NRXN3: variants seen among roughly 807,000 people sequenced by gnomAD.
The protein encoded by NRXN3 is neurexin III.
Under a neutral mutation model 137.6 loss-of-function variants are expected in NRXN3, and 32 were observed. The observed-to-expected ratio is 0.23, with a 90% confidence interval of 0.18 to 0.31. The LOEUF is 0.31. Among genes scored for constraint, NRXN3 ranks in the 10% least tolerant of loss-of-function variants. The pLI is 1.00. For missense variants in NRXN3, 1,574 were observed against 2,062.5 expected (o/e 0.76, Z 4.59); for synonymous variants, 798 against 784.5 (o/e 1.02, Z -0.29).
intron 8 of NRXN3, among the ~76,000 whole-genome samples, chr14:78,796,099 G>T (rs796587777): frequency 2.4e-4 from 36 of 152,296 alleles, no homozygotes; most frequent in African/African-American, 8.2e-4. Context: ...TTATGGGTAG[G>T]CATAGCCAAG....
chr14:79,651,424 G>A (rs1469707339), intron 16 of NRXN3, among the ~76,000 whole-genome samples: 3 of 152,158 alleles, frequency 2.0e-5, no homozygotes, highest in Non-Finnish European at 4.4e-5. Flanking sequence ...ATGCAAAGGT[G>A]CTTTCACCAT....
intron 4 of NRXN3, among the ~76,000 whole-genome samples, chr14:78,599,122 T>C (rs1414392989): frequency 6.6e-6 from 1 of 152,226 alleles, no homozygotes; most frequent in Admixed American, 6.5e-5. Context: ...CTCAGTTTAC[T>C]ATATCAGCTT....
intron 15 of NRXN3, among the ~76,000 whole-genome samples, chr14:79,181,596 G>A (rs983211089): frequency 2.7e-5 from 4 of 149,062 alleles, no homozygotes; most frequent in African/African-American, 7.5e-5. Flanking sequence ...CACGAGAATC[G>A]CTTGAACCCA....
intron 3 of NRXN3, among the ~76,000 whole-genome samples, chr14:78,291,858 G>A (rs1223027901): frequency 1.3e-5 from 2 of 152,194 alleles, no homozygotes. Flanking sequence ...CTCTGAAAGC[G>A]AGTGAAATAA....
At chr14:79,456,024 G>T (rs2096252743) in intron 15 of NRXN3, among the ~76,000 whole-genome samples, 1 of 151,926 alleles carries the variant, frequency 6.6e-6, no homozygotes, top group Non-Finnish European at 1.5e-5. Flanking sequence ...TATATGACTT[G>T]ATATATAAAG....
At chr14:79,273,770 C>T (rs2079802192) in intron 15 of NRXN3, among the ~76,000 whole-genome samples, 1 of 151,866 alleles carries the variant, frequency 6.6e-6, no homozygotes, top group Non-Finnish European at 1.5e-5. Flanking sequence ...ATGATTACTC[C>T]CATTTCACAG....
At chr14:78,717,913 A>G (rs1179644789) in intron 8 of NRXN3, among the ~76,000 whole-genome samples, 1 of 152,212 alleles carries the variant, frequency 6.6e-6, no homozygotes, top group Non-Finnish European at 1.5e-5. Context: ...AAGAATGGCC[A>G]CTTCTATATG....
chr14:79,812,435 C>T (rs1333578536), intron 20 of NRXN3, among the ~76,000 whole-genome samples: 2 of 151,986 alleles, frequency 1.3e-5, no homozygotes, highest in Non-Finnish European at 2.9e-5. Context: ...AATGGAAATG[C>T]CCACGATATT....
At chr14:78,803,538 C>T in intron 8 of NRXN3, 82 bp from the exon 9 acceptor site, 2 of 1,307,308 alleles carry the variant, frequency 1.5e-6, no homozygotes, top group Admixed American at 3.4e-5. Context: ...ACCCTCTCTA[C>T]TCGCTTAGCC....
intron 17 of NRXN3, among the ~76,000 whole-genome samples, chr14:79,681,998 G>T (rs1161347446): frequency 6.6e-6 from 1 of 151,608 alleles, no homozygotes; most frequent in African/African-American, 2.4e-5. Flanking sequence ...TGATCATTTT[G>T]CTTTAAGTCA....
intron 6 of NRXN3, among the ~76,000 whole-genome samples, chr14:78,677,318 C>G (rs1451916550): frequency 6.6e-6 from 1 of 151,896 alleles, no homozygotes; most frequent in Non-Finnish European, 1.5e-5. Context: ...GATTCCAGCT[C>G]TCATGGATGA....
rs2098618384 is a variant in NRXN3, at chr14:78,747,790, AT to A, written c.2044+32655del. Among the ~76,000 whole-genome samples the A allele has an allele frequency of 2.0e-5, 3 of 152,056 alleles. No individual in the cohort carries two copies. In the South Asian group the frequency reaches 6.2e-4, roughly 31 times the overall value. Reference sequence around the variant, plus strand: ...GCCTCTCTTAACTAACTTGTAGACAATTTTGCCCTTCTGCTCAAGATCTTTT... The same window carrying A: ...GCCTCTCTTAACTAACTTGTAGACAATTTGCCCTTCTGCTCAAGATCTTTT... On this transcript the variant is annotated intron_variant, in intron 8 of 20. Transcript: ENST00000335750.
intron 16 of NRXN3, among the ~76,000 whole-genome samples, chr14:79,621,502 T>C (rs909648784): frequency 6.6e-6 from 1 of 152,254 alleles, no homozygotes; most frequent in Non-Finnish European, 1.5e-5. Context: ...ATGTTATTCT[T>C]AGACTTGTGC....
intron 16 of NRXN3, among the ~76,000 whole-genome samples, chr14:79,565,265 A>ACG (rs2097537021): frequency 1.4e-5 from 2 of 140,510 alleles, no homozygotes; most frequent in Non-Finnish European, 3.1e-5. Context: ...ACATATACAC[A>ACG]TGTGTGTGTG....
intron 16 of NRXN3, among the ~76,000 whole-genome samples, chr14:79,494,247 G>T (rs2096744732): frequency 6.6e-6 from 1 of 152,104 alleles, no homozygotes. Flanking sequence ...ACATAAAAAT[G>T]AATAATCACT....
At chr14:78,920,750 C>A (rs201459374) in intron 10 of NRXN3, among the ~76,000 whole-genome samples, 4 of 152,152 alleles carry the variant, frequency 2.6e-5, no homozygotes, top group African/African-American at 9.7e-5. Context: ...CACAGAACCA[C>A]GACATGTTCT....
At chr14:78,237,814 C>T (rs979747591) in intron 1 of NRXN3, among the ~76,000 whole-genome samples, 1 of 152,138 alleles carries the variant, frequency 6.6e-6, no homozygotes, top group African/African-American at 2.4e-5. Flanking sequence ...GGGGCAAAAC[C>T]ACCAGAGAGC....
At chr14:78,851,828 C>T (rs532322427) in intron 10 of NRXN3, among the ~76,000 whole-genome samples, 3 of 152,186 alleles carry the variant, frequency 2.0e-5, no homozygotes, top group Admixed American at 1.3e-4. Context: ...TTTTAAATAT[C>T]CAACATTTTG....
intron 4 of NRXN3, among the ~76,000 whole-genome samples, chr14:78,398,006 G>A (rs150336792): frequency 1.9e-4 from 29 of 150,690 alleles, no homozygotes; most frequent in Non-Finnish European, 3.7e-4. Flanking sequence ...CCTGAGGTCA[G>A]GAGTTCGAGA....
Sources: allele counts gnomAD v4.1 joint callset (sites outside exome capture counted in the v4.1 genomes callset), GRCh38; gene constraint gnomAD v4.1.1; transcripts MANE v1.5; gene names NCBI Gene and HGNC (gene_info 2026-07-23, HGNC 2026-07-21).